KIAA1217: variants seen among roughly 807,000 people sequenced by gnomAD.
KIAA1217 encodes sickle tail protein homolog.
A neutral mutation model predicts 163.9 loss-of-function variants in KIAA1217; 88 were observed. That is an observed-to-expected ratio of 0.54 (90% CI 0.45 to 0.64). The LOEUF (loss-of-function observed/expected upper bound fraction) is 0.64. Among genes scored for constraint, KIAA1217 ranks in the 30% least tolerant of loss-of-function variants. The pLI, the probability that KIAA1217 is intolerant of heterozygous loss-of-function variation, is 0.00. For synonymous variants in KIAA1217, 903 were observed against 923.1 expected (o/e 0.98, Z 0.39); for missense variants, 2,372 against 2,475.0 (o/e 0.96, Z 0.88).
upstream of KIAA1217, chr10:24,208,977 G>A (rs2067733849): frequency 1.9e-6 from 1 of 528,406 alleles, no homozygotes; most frequent in Admixed American, 3.3e-5. Context: ...AGGGACGGAG[G>A]GCCAGGGGCA....
intron 1 of KIAA1217, among the ~76,000 whole-genome samples, chr10:23,987,434 A>G (rs181623907): frequency 1.3e-5 from 2 of 150,786 alleles, no homozygotes; most frequent in East Asian, 3.9e-4. Flanking sequence ...AAAACCCATC[A>G]TTTTTATTTA....
chr10:24,522,577 C>T (rs755911403), intron 12 of KIAA1217, among the ~76,000 whole-genome samples: 14 of 152,296 alleles, frequency 9.2e-5, no homozygotes, highest in South Asian at 2.1e-4. Context: ...CAAAGGTAAA[C>T]CTGCTCACCG....
At chr10:24,030,311 T>C (rs1848139676) in intron 2 of KIAA1217, among the ~76,000 whole-genome samples, 1 of 152,134 alleles carries the variant, frequency 6.6e-6, no homozygotes, top group Non-Finnish European at 1.5e-5. Context: ...GGTAGGTGAC[T>C]GGATCATGGG....
intron 1 of KIAA1217, among the ~76,000 whole-genome samples, chr10:23,814,102 T>C (rs1160231122): frequency 6.6e-6 from 1 of 152,154 alleles, no homozygotes; most frequent in African/African-American, 2.4e-5. Flanking sequence ...AGTCACTTTT[T>C]AAAAGGAGCC....
intron 1 of KIAA1217, among the ~76,000 whole-genome samples, chr10:23,759,810 T>C (rs1834157102): frequency 6.6e-6 from 1 of 152,198 alleles, no homozygotes; most frequent in Non-Finnish European, 1.5e-5. Flanking sequence ...CCAGTCCCCA[T>C]GTGTGGAATT....
chr10:24,545,174 C>G, intron 20 of KIAA1217, 71 bp downstream of exon 20: 1 of 1,591,544 alleles, frequency 6.3e-7, no homozygotes, highest in East Asian at 2.2e-5. Flanking sequence ...TTAGTTTATA[C>G]CAAATATTGT....
intron 1 of KIAA1217, among the ~76,000 whole-genome samples, chr10:23,716,185 A>G (rs866820284): frequency 3.3e-5 from 5 of 152,196 alleles, no homozygotes; most frequent in African/African-American, 9.6e-5. Flanking sequence ...TGCACACAAT[A>G]TGAAACAAAA....
At chr10:23,913,292 G>T (rs568486664) in intron 1 of KIAA1217, among the ~76,000 whole-genome samples, 27 of 152,188 alleles carry the variant, frequency 1.8e-4, no homozygotes, top group African/African-American at 6.3e-4. Context: ...ATCAATCCCA[G>T]AGCACAGACA....
chr10:24,351,389 T>A (rs187679343), intron 2 of KIAA1217, among the ~76,000 whole-genome samples: 5 of 152,326 alleles, frequency 3.3e-5, no homozygotes, highest in Admixed American at 3.3e-4. Flanking sequence ...TGGCAGTCAT[T>A]ATGACCATGC....
intron 3 of KIAA1217, among the ~76,000 whole-genome samples, chr10:24,400,773 A>G (rs2056432848): frequency 6.6e-6 from 1 of 152,154 alleles, no homozygotes; most frequent in African/African-American, 2.4e-5. Flanking sequence ...AAAACATGAA[A>G]GACCAACTTA....
intron 1 of KIAA1217, among the ~76,000 whole-genome samples, chr10:23,817,659 A>C (rs115790769): frequency 0.011 from 1,689 of 152,150 alleles, 23 homozygotes; most frequent in African/African-American, 0.039. Flanking sequence ...AGGTCAGAGT[A>C]ATGGAAAGAA....
chr10:23,965,268 G>A (rs1260853289), intron 1 of KIAA1217, among the ~76,000 whole-genome samples: 3 of 152,206 alleles, frequency 2.0e-5, no homozygotes, highest in East Asian at 1.9e-4. Flanking sequence ...GGGCCTCTGC[G>A]TGTGTTCTCT....
At chr10:23,786,338 A>G (rs1835492619) in intron 1 of KIAA1217, among the ~76,000 whole-genome samples, 1 of 152,062 alleles carries the variant, frequency 6.6e-6, no homozygotes, top group Non-Finnish European at 1.5e-5. Flanking sequence ...GCATGAGGAA[A>G]GGAGAGTGAA....
chr10:23,983,460 C>T (rs1247495081), intron 1 of KIAA1217, among the ~76,000 whole-genome samples: 1 of 152,078 alleles, frequency 6.6e-6, no homozygotes, highest in African/African-American at 2.4e-5. Context: ...AAAGGAGAAG[C>T]AGGCACATCT....
At chr10:23,738,771 C>T (rs1162479499) in intron 1 of KIAA1217, among the ~76,000 whole-genome samples, 1 of 152,014 alleles carries the variant, frequency 6.6e-6, no homozygotes, top group African/African-American at 2.4e-5. Context: ...TTATCGAGCA[C>T]CTACTATGTG....
At chr10:24,003,495 T>C (rs1436682353) in intron 1 of KIAA1217, among the ~76,000 whole-genome samples, 2 of 152,218 alleles carry the variant, frequency 1.3e-5, no homozygotes, top group African/African-American at 4.8e-5. Flanking sequence ...TCAAATAGTA[T>C]TTCTTTAACT....
At chr10:23,856,871 G>A (rs760051073) in intron 1 of KIAA1217, among the ~76,000 whole-genome samples, 1 of 152,236 alleles carries the variant, frequency 6.6e-6, no homozygotes, top group Non-Finnish European at 1.5e-5. Flanking sequence ...GAAAAGCGCA[G>A]TATTAGGGTG....
intron 1 of KIAA1217, among the ~76,000 whole-genome samples, chr10:23,735,270 C>T (rs939398242): frequency 6.6e-6 from 1 of 151,896 alleles, no homozygotes; most frequent in Non-Finnish European, 1.5e-5. Flanking sequence ...GTCTAGCTCT[C>T]TCTCCGGGGC....
chr10:23,927,331 T>G (rs1271242932), intron 1 of KIAA1217, among the ~76,000 whole-genome samples: 13 of 147,220 alleles, frequency 8.8e-5, no homozygotes, highest in Admixed American at 8.7e-4. Context: ...ATAGGGTGTG[T>G]GTGTGTGTGT....
Sources: allele counts gnomAD v4.1 joint callset (sites outside exome capture counted in the v4.1 genomes callset), GRCh38; gene constraint gnomAD v4.1.1; transcripts MANE v1.5; gene names NCBI Gene and HGNC (gene_info 2026-07-23, HGNC 2026-07-21).